Variants in PAXIP1 observed in about 807,000 individuals in gnomAD.
The protein encoded by PAXIP1 is PAX interacting protein 1, also known as PAX-interacting protein 1.
Under a neutral mutation model 140.6 loss-of-function variants are expected in PAXIP1, and 19 were observed. The observed-to-expected ratio is 0.14, with a 90% CI of 0.09 to 0.20. PAXIP1 has a LOEUF of 0.20. PAXIP1 is among the 10% of genes least tolerant of loss of function. The pLI, the probability that PAXIP1 is intolerant of heterozygous loss-of-function variation, is 1.00. For synonymous variants in PAXIP1, 442 were observed against 444.6 expected, an observed-to-expected ratio of 0.99 and a Z score of 0.07; for missense variants, 920 against 1,208.6, an observed-to-expected ratio of 0.76 and a Z score of 3.54.
At chr7:154,969,722 G>A (rs1809209182) in intron 6 of PAXIP1, among the ~76,000 whole-genome samples, 1 of 152,214 alleles carries the variant, frequency 6.6e-6, no homozygotes, top group African/African-American at 2.4e-5. Context: ...GACCCAAGCT[G>A]TGAGTCCAAG....
At chr7:154,952,484 G>A (rs1808314925) in intron 16 of PAXIP1, among the ~76,000 whole-genome samples, 2 of 152,172 alleles carry the variant, frequency 1.3e-5, no homozygotes, top group African/African-American at 4.8e-5. Context: ...TGTTTAAAAT[G>A]TCCACAGCCC....
At position 154,946,540 on chromosome 7, in the gene PAXIP1, T is replaced by C. The variant is rs1349879415; in HGVS notation, c.3105A>G (p.Leu1035=). The change falls in exon 19 of 21, where the codon TTA becomes TTG. Residue 1035 remains leucine, a synonymous_variant. Transcript: ENST00000404141. This position sits in a 1 kb window ranked among gnomAD's most constrained non-coding sequence, Gnocchi z 4.9. Reference sequence around the variant, plus strand: ...TGCCTCTGGCAAAATATTCTCGGCATAAATGAAGGTCATTTTCACAGGATA... The same window carrying C: ...TGCCTCTGGCAAAATATTCTCGGCACAAATGAAGGTCATTTTCACAGGATA... ...ILISCENDLH[L]CREYFARGID... is the part of the protein sequence containing the mutation. 1.5e-5 allele frequency: 25 copies of C among 1,613,862 alleles called. No individual in the cohort carries two copies. Among genetic ancestry groups the C allele is most frequent in the Non-Finnish European group, 2.1e-5 (25 of 1,179,882 alleles).
Position 154,946,963 on chromosome 7 carries a change from C to A in PAXIP1, c.2923-150G>T. The A allele has an allele frequency of 1.8e-6, 1 of 564,620 alleles. No homozygotes were observed. Among genetic ancestry groups the A allele is most frequent in the Non-Finnish European group, 3.1e-6 (1 of 324,646 alleles). The allele number at this position is 564,620 out of a possible 1,614,324, so 35.0% of individuals were successfully genotyped here. On this transcript the variant is annotated intron_variant, in intron 17 of 20. Coordinates refer to ENST00000404141, the MANE Select transcript of PAXIP1 (RefSeq NM_007349.4). This position sits in a 1 kb window ranked among gnomAD's most constrained non-coding sequence, Gnocchi z 4.9. ...TACTATTCTCCTACTAGCACTCAAT[C>A]TGAAGTGGAAGAGGAATCCAGCTAT...
At chr7:154,983,642 A>AG (rs1323553214) in intron 4 of PAXIP1, 26 of 212,240 alleles carry the variant, frequency 1.2e-4, no homozygotes, top group Middle Eastern at 1.7e-3. Context: ...AAAAATAGTC[A>AG]GGGGAAAAAA....
chr7:154,964,090 GAGGAGGA>G, intron 8 of PAXIP1: 1 of 245,358 alleles, frequency 4.1e-6, no homozygotes, highest in South Asian at 5.9e-5. Flanking sequence ...GTCCTGTACA[GAGGAGGA>G]TGTTTGGCAG....
At position 154,956,920 on chromosome 7, in the gene PAXIP1, C is replaced by G. The variant is rs1808540532; in HGVS notation, c.2549+304G>C. The G allele has an allele frequency of 4.3e-6, 1 of 233,182 alleles. No homozygotes were observed. 14.4% of individuals were successfully genotyped at this position (233,182 alleles called of 1,614,324 possible). A position where few individuals can be genotyped will look rare whatever the true frequency, so the allele number is the denominator to read the frequency against. On this transcript the variant is annotated intron_variant, in intron 14 of 20. Coordinates refer to ENST00000404141, the MANE Select transcript of PAXIP1 (RefSeq NM_007349.4). The surrounding 1 kb of genome is among the most constrained non-coding windows in gnomAD (Gnocchi z 4.2). Reference sequence around the variant, plus strand: ...GGAGGCCTGGGGCTCCGTGGTCTATCTCTGAGCTGGGTTCTAGACCTCCCA... The same window carrying G: ...GGAGGCCTGGGGCTCCGTGGTCTATGTCTGAGCTGGGTTCTAGACCTCCCA...
At chr7:154,952,199 G>A (rs1167224910) in intron 16 of PAXIP1, 3 of 152,098 alleles carry the variant, frequency 2.0e-5, no homozygotes, top group Non-Finnish European at 4.4e-5. Context: ...CTTAGTACAT[G>A]CGAGCCGCAT....
chr7:154,983,187 T>C (rs1198150210), intron 5 of PAXIP1, 32 bp downstream of exon 5: 3 of 1,093,308 alleles, frequency 2.7e-6, no homozygotes, highest in East Asian at 4.9e-5. Context: ...TTAAATGACA[T>C]ACAAAAAGAA....
intron 13 of PAXIP1, 77 bp downstream of exon 13, chr7:154,959,813 T>C (rs1808679148): frequency 6.5e-6 from 6 of 924,494 alleles, no homozygotes; most frequent in South Asian, 5.6e-5. Context: ...TAATTTTTAA[T>C]TTATGAAGAC....
chr7:154,959,359 T>A (rs1441534029), intron 13 of PAXIP1, among the ~76,000 whole-genome samples: 1 of 152,196 alleles, frequency 6.6e-6, no homozygotes, highest in East Asian at 1.9e-4. Context: ...TGATGTTCAG[T>A]CGAACAGTGA....
chr7:154,990,337 G>A (rs1293323782), intron 4 of PAXIP1, among the ~76,000 whole-genome samples: 1 of 151,814 alleles, frequency 6.6e-6, no homozygotes, highest in African/African-American at 2.4e-5. Flanking sequence ...CACCATGCCC[G>A]GCCGACTTGG....
intron 14 of PAXIP1, 102 bp downstream of exon 14, chr7:154,957,122 A>C: frequency 5.0e-6 from 3 of 604,148 alleles, no homozygotes; most frequent in Non-Finnish European, 8.8e-6. Flanking sequence ...TTCAAATCTT[A>C]TTTACTGCAA....
At chr7:154,992,212 G>A (rs958893744) in intron 3 of PAXIP1, among the ~76,000 whole-genome samples, 1 of 152,116 alleles carries the variant, frequency 6.6e-6, no homozygotes, top group African/African-American at 2.4e-5. Flanking sequence ...GAGCGCAGTG[G>A]CACAATCTTT....
chr7:155,003,400 G>C (rs1172034388), upstream of PAXIP1: 1 of 151,962 alleles, frequency 6.6e-6, no homozygotes, highest in Non-Finnish European at 1.5e-5. Flanking sequence ...GGCCCCTCCC[G>C]TCGCCACATG....
At chr7:154,981,647 T>C (rs1585071725) in intron 5 of PAXIP1, among the ~76,000 whole-genome samples, 1 of 152,164 alleles carries the variant, frequency 6.6e-6, no homozygotes, top group Non-Finnish European at 1.5e-5. Context: ...GTAATTATAG[T>C]AGCATATTTG....
chr7:154,966,702 C>T (rs1054829650), intron 8 of PAXIP1, among the ~76,000 whole-genome samples: 3 of 152,320 alleles, frequency 2.0e-5, no homozygotes, highest in South Asian at 2.1e-4. Flanking sequence ...ACATGCCATC[C>T]GCCTCTTTCC....
chr7:154,967,635 A>G, intron 8 of PAXIP1, 181 bp downstream of exon 8: 1 of 557,988 alleles, frequency 1.8e-6, no homozygotes. Context: ...CAGCTGAGAA[A>G]ACTGATGCCC....
intron 14 of PAXIP1, 72 bp downstream of exon 14, chr7:154,957,152 T>G: frequency 1.3e-6 from 1 of 768,502 alleles, no homozygotes; most frequent in Admixed American, 2.7e-5. Flanking sequence ...GAAACTTTCC[T>G]CAATTGCCAC....
rs1808880127 is a variant in PAXIP1, at chr7:154,963,881, C to T, written c.1894-115G>A. 1 of 718,436 alleles carries T rather than the reference C, an allele frequency of 1.4e-6. No homozygotes were observed. Among genetic ancestry groups the T allele is most frequent in the African/African-American group, 1.8e-5 (1 of 56,950 alleles). 44.5% of individuals were successfully genotyped at this position (718,436 alleles called of 1,614,324 possible). On this transcript the variant is annotated intron_variant, in intron 8 of 20. Transcript: ENST00000404141. This position sits in a 1 kb window ranked among gnomAD's most constrained non-coding sequence, Gnocchi z 4.1. ...TATCATATATTTATATCATGTATTT[C>T]CTCAAAGTATCAAGGACATGTAACA...
Sources: allele counts gnomAD v4.1 joint callset (sites outside exome capture counted in the v4.1 genomes callset), GRCh38; gene constraint gnomAD v4.1.1; non-coding constraint Gnocchi (gnomAD v3.1); transcripts MANE v1.5; gene names NCBI Gene and HGNC (gene_info 2026-07-23, HGNC 2026-07-21).